The following TNC variants were observed in gnomAD, a reference collection of about 807,000 sequenced individuals.
The protein encoded by TNC is tenascin C.
Under a neutral mutation model 202.4 loss-of-function variants are expected in TNC, and 109 were observed. That is an observed-to-expected ratio of 0.54 (90% CI 0.46 to 0.63). The LOEUF (loss-of-function observed/expected upper bound fraction) is 0.63. Ranked by LOEUF, TNC falls within the 30% of genes least tolerant of loss-of-function variation. The pLI is 0.00. For synonymous variants in TNC, 1,007 were observed against 1,089.7 expected, an observed-to-expected ratio of 0.92 and a Z score of 1.50; for missense variants, 2,756 against 2,833.3, an observed-to-expected ratio of 0.97 and a Z score of 0.62.
Position 115,030,268 on chromosome 9 carries a change from C to A in TNC, c.6058G>T (p.Gly2020Trp). 1 of 1,612,116 alleles carries A rather than the reference C, an allele frequency of 6.2e-7. No homozygotes were observed. The highest frequency in any genetic ancestry group is 1.1e-5 in the South Asian group (1 of 90,910). ...LEVFCDMTSD[G>W]GGWIVFLRRK... The stretch of plus-strand genomic sequence containing the variant: ...GTGGTACTCACAATCCATCCACCCC[C>A]ATCAGAGGTCATGTCACAGAAGACT... Residue 2020 changes from glycine to tryptophan, a missense_variant, in exon 24 of 28, where the codon GGG becomes TGG. Transcript: ENST00000350763.
intron 26 of TNC, 29 bp from the exon 27 acceptor site, chr9:115,024,165 G>C: frequency 6.2e-7 from 1 of 1,604,292 alleles, no homozygotes; most frequent in Non-Finnish European, 8.5e-7. Flanking sequence ...ATGGACCTGA[G>C]AAATCTCAGC....
At chr9:115,071,522 C>A (rs949138336) in intron 10 of TNC, among the ~76,000 whole-genome samples, 4 of 152,300 alleles carry the variant, frequency 2.6e-5, no homozygotes, top group Non-Finnish European at 2.9e-5. Context: ...AAGCCCCACA[C>A]CTCAGGATCT....
intron 15 of TNC, chr9:115,055,613 G>A (rs1832056393): frequency 6.6e-6 from 1 of 152,540 alleles, no homozygotes; most frequent in African/African-American, 2.4e-5. Flanking sequence ...CAGCACCATG[G>A]TCTCATGGGG....
At chr9:115,065,418 C>G (rs753508930) in intron 10 of TNC, among the ~76,000 whole-genome samples, 5 of 152,084 alleles carry the variant, frequency 3.3e-5, no homozygotes, top group Non-Finnish European at 5.9e-5. Flanking sequence ...CAAAAAATTT[C>G]TTTTGCCTTC....
At chr9:115,104,103 C>A in intron 1 of TNC, among the ~76,000 whole-genome samples, 1 of 152,158 alleles carries the variant, frequency 6.6e-6, no homozygotes, top group East Asian at 1.9e-4. Flanking sequence ...TGGTTCTGGA[C>A]AAGTGGCAAC....
At position 115,035,170 on chromosome 9, in the gene TNC, C is replaced by G. The variant is rs758694804; in HGVS notation, c.5787+34G>C. 1.5e-5 allele frequency: 24 copies of G among 1,560,276 alleles called. 1 individual carries two copies. Among genetic ancestry groups the G allele is most frequent in the Non-Finnish European group, 2.1e-5 (24 of 1,152,628 alleles). ...TTTGAAGATCATGCAAATGCTTCAA[C>G]TAGCATTGAGGAGTTGTTATATACT... On this transcript the variant is annotated intron_variant, in intron 22 of 27. Coordinates refer to ENST00000350763, the MANE Select transcript of TNC (RefSeq NM_002160.4).
intron 14 of TNC, among the ~76,000 whole-genome samples, chr9:115,057,917 C>T (rs1405970447): frequency 6.6e-6 from 1 of 152,232 alleles, no homozygotes; most frequent in Non-Finnish European, 1.5e-5. Context: ...ATTCTGATGC[C>T]ATTACCTTCC....
chr9:115,110,036 T>C (rs1836921218), intron 1 of TNC, among the ~76,000 whole-genome samples: 1 of 151,984 alleles, frequency 6.6e-6, no homozygotes, highest in Admixed American at 6.6e-5. Flanking sequence ...CATTCCAGGA[T>C]GATAAAGGAG....
chr9:115,031,038 C>A (rs955771198), intron 23 of TNC, among the ~76,000 whole-genome samples: 1 of 152,178 alleles, frequency 6.6e-6, no homozygotes, highest in Non-Finnish European at 1.5e-5. Context: ...GCATAGGGCT[C>A]ACCATACCAG....
At chr9:115,050,507 T>C (rs964418298) in intron 15 of TNC, among the ~76,000 whole-genome samples, 3 of 152,188 alleles carry the variant, frequency 2.0e-5, no homozygotes, top group Non-Finnish European at 2.9e-5. Flanking sequence ...ATGTTCTGCA[T>C]TTGAAGACTC....
At chr9:115,073,903 T>C (rs1214721642) in intron 9 of TNC, 37 bp from the exon 10 acceptor site, 9 of 1,587,644 alleles carry the variant, frequency 5.7e-6, no homozygotes, top group African/African-American at 1.3e-5. Context: ...CTCTTCAGGC[T>C]GCAAGACAGG....
At chr9:115,031,741 A>G (rs1011164837) in intron 22 of TNC, 56 bp from the exon 23 acceptor site, 102 of 1,576,540 alleles carry the variant, frequency 6.5e-5, no homozygotes, top group Non-Finnish European at 8.4e-5. Flanking sequence ...CTCAGGGTAT[A>G]GATAAGAAGT....
intron 1 of TNC, among the ~76,000 whole-genome samples, chr9:115,110,697 C>T (rs894737046): frequency 7.9e-5 from 12 of 152,202 alleles, no homozygotes; most frequent in Admixed American, 1.3e-4. Context: ...GTCACACTGA[C>T]TGTCTTGCTT....
At chr9:115,111,399 CTTTTTTTTT>C (rs71375272) in intron 1 of TNC, among the ~76,000 whole-genome samples, 1,626 of 71,410 alleles carry the variant, frequency 0.023, 24 homozygotes, top group Middle Eastern at 0.14. Context: ...CTCTCTCTCT[CTTTTTTTTT>C]TTTTTTTTTT....
rs376619712 is a variant in TNC, at chr9:115,086,845, C to G, written c.886G>C (p.Glu296Gln). ...NNCYNRGRCV[E>Q]NECVCDEGFT... ...CCCTCATCACACACGCACTCATTCT[C>G]CACGCATCGTCCACGGTTGTAGCAA... The change falls in exon 3 of 28, where the codon GAG becomes CAG. Residue 296 changes from glutamate (E) to glutamine (Q), a missense_variant. Around this residue, in one of 2 missense-constraint regions of TNC, gnomAD observed 2,559 missense variants for 2,546.0 expected, o/e 1.01. Transcript: ENST00000350763. 3 of 1,614,072 alleles carry G rather than the reference C, an allele frequency of 1.9e-6. No homozygotes were observed. In the African/African-American group the frequency reaches 4.0e-5, roughly 22 times the overall value.
At chr9:115,070,600 C>A (rs1270424556) in intron 10 of TNC, among the ~76,000 whole-genome samples, 3 of 152,198 alleles carry the variant, frequency 2.0e-5, no homozygotes, top group Non-Finnish European at 2.9e-5. Context: ...CATTATGGCC[C>A]AATCCATCAG....
intron 2 of TNC, among the ~76,000 whole-genome samples, chr9:115,089,438 G>GC (rs1242724037): frequency 6.6e-6 from 1 of 152,148 alleles, no homozygotes; most frequent in East Asian, 1.9e-4. Flanking sequence ...CCATGGGAGA[G>GC]TATGAGCTCT....
Position 115,063,997 on chromosome 9 carries a change from C to A in TNC, c.3559G>T (p.Ala1187Ser). The A allele has an allele frequency of 6.2e-7, 1 of 1,614,030 alleles. No individual in the cohort carries two copies. The highest frequency in any genetic ancestry group is 8.5e-7 in the Non-Finnish European group (1 of 1,179,986). Residue 1187 changes from alanine to serine, a missense_variant, in exon 12 of 28, where the codon GCT becomes TCT. By Grantham distance (99) the Ala-to-Ser change is moderately conservative. Transcript: ENST00000350763. ...GWDALKLNWT[A>S]PEGAYEYFFI... ...AAGTACTCATAGGCCCCTTCTGGAG[C>A]AGTCCAGTTGAGTTTGAGGGCATCC...
chr9:115,112,859 G>A (rs373554686), intron 1 of TNC: 7 of 153,054 alleles, frequency 4.6e-5, no homozygotes, highest in Middle Eastern at 3.3e-3. Flanking sequence ...AGTGGGGGAC[G>A]TGCAGAGCTC....
Sources: allele counts gnomAD v4.1 joint callset (sites outside exome capture counted in the v4.1 genomes callset), GRCh38; gene constraint gnomAD v4.1.1; regional missense constraint gnomAD v4.1.1; transcripts MANE v1.5; gene names NCBI Gene and HGNC (gene_info 2026-07-23, HGNC 2026-07-21).